The following PLCH2 variants were observed in gnomAD, a reference collection of about 807,000 sequenced individuals.
PLCH2 encodes the protein 1-phosphatidylinositol 4,5-bisphosphate phosphodiesterase eta-2.
A neutral mutation model predicts 134.7 loss-of-function variants in PLCH2; 98 were observed. The ratio of observed to expected loss-of-function variants is 0.73; its 90% CI spans 0.62 to 0.86. The LOEUF is 0.86. PLCH2 is among the 40% of genes least tolerant of loss of function. The pLI is 0.00. For synonymous variants in PLCH2, 974 were observed against 827.5 expected (o/e 1.18, Z -3.04); for missense variants, 1,994 against 1,986.6 (o/e 1.00, Z -0.07).
rs780237265 is a variant in PLCH2 at position 2,505,103 on chromosome 1, G to T, written c.4141G>T (p.Gly1381Cys). ...PPEEERGTPEGACSVGHEGSV... is the reference protein window; with the variant it reads ...PPEEERGTPECACSVGHEGSV... ...AGAAGAGGAGCGGGGCACCCCCGAGGGCGCCTGCTCCGTGGGCCACGAGGG... is the reference window on the plus strand; with the variant it reads ...AGAAGAGGAGCGGGGCACCCCCGAGTGCGCCTGCTCCGTGGGCCACGAGGG... The change falls in exon 22 of 22, where the codon GGC (glycine) becomes TGC (cysteine). Residue 1381 changes from glycine (G) to cysteine (C), a missense_variant. Around this residue, in one of 2 missense-constraint regions of PLCH2, gnomAD observed 900 missense variants for 752.3 expected, o/e 1.20. Coordinates refer to ENST00000378486, the MANE Select transcript of PLCH2 (RefSeq NM_014638.4). The T allele has an allele frequency of 1.3e-6, 2 of 1,542,072 alleles. No homozygotes were observed. The highest frequency in any genetic ancestry group is 1.7e-6 in the Non-Finnish European group (2 of 1,151,950).
intron 2 of PLCH2, among the ~76,000 whole-genome samples, chr1:2,458,156 C>T (rs1477039841): frequency 2.0e-5 from 3 of 152,088 alleles, no homozygotes; most frequent in East Asian, 3.9e-4. Flanking sequence ...GGAAGGTGGC[C>T]GGCTGGGTGG....
At chr1:2,486,422 G>C (rs1349758348) in intron 5 of PLCH2, among the ~76,000 whole-genome samples, 2 of 152,224 alleles carry the variant, frequency 1.3e-5, no homozygotes, top group Non-Finnish European at 2.9e-5. Context: ...CGCCCTGGAG[G>C]TCCCTTGGCC....
chr1:2,416,930 G>C, the PLCH2 span, among the ~76,000 whole-genome samples: 1 of 152,138 alleles, frequency 6.6e-6, no homozygotes, highest in Admixed American at 6.5e-5. Flanking sequence ...CAGCCTGGGG[G>C]GGCCCTGGGG....
chr1:2,497,561 G>A lies in PLCH2; in HGVS notation c.2176G>A (p.Ala726Thr), dbSNP rs371487122. The A allele has an allele frequency of 9.0e-6, 14 of 1,564,192 alleles. No homozygotes were observed. The highest frequency in any genetic ancestry group is 2.4e-5 in the East Asian group (1 of 41,822). Reference sequence around the variant, plus strand: ...GCAGCTGAACCGAGCCAAGTTCAGCGCCAACGGTGGCTGCGGCTACGTACT... The same window carrying A: ...GCAGCTGAACCGAGCCAAGTTCAGCACCAACGGTGGCTGCGGCTACGTACT... The part of the protein sequence containing the change: ...MLQLNRAKFS[A>T]NGGCGYVLKP... Residue 726 changes from alanine (A) to threonine (T), a missense_variant, in exon 16 of 22, where the codon GCC becomes ACC. This residue lies in a region of PLCH2 where 1,094 missense variants were observed against 1,234.3 expected (regional missense o/e 0.89). Coordinates refer to ENST00000378486, the MANE Select transcript of PLCH2 (RefSeq NM_014638.4).
At position 2,499,631 on chromosome 1, in the gene PLCH2, ACTG is replaced by A; in HGVS notation, c.2582-7_2582-5del. ...TGACCTCATGACCCTGCTGACCCAC[ACTG>A]CTCCAGGCTACAGACACGTGTACCT... is the stretch of plus-strand genomic sequence containing the variant. On this transcript the variant is annotated splice_polypyrimidine_tract_variant and splice_region_variant and intron_variant, in intron 19 of 21. Coordinates refer to ENST00000378486, the MANE Select transcript of PLCH2 (RefSeq NM_014638.4). 6.3e-7 allele frequency: 1 copy of A among 1,592,766 alleles called. No individual in the cohort carries two copies. Among genetic ancestry groups the A allele is most frequent in the Non-Finnish European group, 8.6e-7 (1 of 1,169,466 alleles).
chr1:2,417,671 G>A, the PLCH2 span, among the ~76,000 whole-genome samples: 1 of 152,186 alleles, frequency 6.6e-6, no homozygotes, highest in Non-Finnish European at 1.5e-5. Flanking sequence ...GCCGGTGAGG[G>A]GCTGTGTGCT....
At chr1:2,428,255 C>T (rs1299513283) in intron 1 of PLCH2, among the ~76,000 whole-genome samples, 2 of 152,224 alleles carry the variant, frequency 1.3e-5, no homozygotes, top group Non-Finnish European at 2.9e-5. Context: ...GTCTGGGCTC[C>T]TGGGGATCGG....
intron 2 of PLCH2, among the ~76,000 whole-genome samples, chr1:2,440,100 C>T (rs1003104027): frequency 4.6e-5 from 7 of 152,124 alleles, no homozygotes; most frequent in Non-Finnish European, 1.0e-4. Flanking sequence ...AAGGCAGCTG[C>T]AGCCAGTCCA....
intron 2 of PLCH2, among the ~76,000 whole-genome samples, chr1:2,457,612 C>G (rs1395792497): frequency 2.0e-5 from 3 of 152,090 alleles, no homozygotes; most frequent in Admixed American, 1.3e-4. Flanking sequence ...TCCTGCCTCT[C>G]AGGGGCCCAA....
Position 2,503,931 on chromosome 1 carries a change from CCCTCTCCACGCAGCGG to C in PLCH2, c.2972_2987del (p.Leu991HisfsTer50). On this transcript the variant is annotated frameshift_variant, in exon 22 of 22. Coordinates refer to ENST00000378486, the MANE Select transcript of PLCH2 (RefSeq NM_014638.4). LOFTEE classifies it high-confidence loss of function. ...CCCCACCTCCCCACAGACACCCGCC[CCCTCTCCACGCAGCGG>C]CCACTCCCCCCACTGTGCAGCCTGG... 9.0e-7 allele frequency: 1 copy of C among 1,108,246 alleles called. No individual in the cohort carries two copies. Among genetic ancestry groups the C allele is most frequent in the Non-Finnish European group, 1.3e-6 (1 of 753,124 alleles). 68.7% of individuals were successfully genotyped at this position (1,108,246 alleles called of 1,614,324 possible).
chr1:2,503,477 G>T, intron 21 of PLCH2: 1 of 621,012 alleles, frequency 1.6e-6, no homozygotes, highest in South Asian at 1.8e-5. Context: ...TCGCTGCTTT[G>T]GGCTGAAGCA....
At chr1:2,503,118 G>A (rs1452630011) in intron 21 of PLCH2, 4 of 681,922 alleles carry the variant, frequency 5.9e-6, no homozygotes, top group South Asian at 4.7e-5. Flanking sequence ...TTGAGGCCCT[G>A]GGACTTGGGT....
At chr1:2,489,736 C>G (rs755278578) in intron 9 of PLCH2, 24 bp from the exon 10 acceptor site, 3 of 1,569,084 alleles carry the variant, frequency 1.9e-6, no homozygotes, top group Non-Finnish European at 2.6e-6. Flanking sequence ...CAGGGCCCCT[C>G]CCATCATGCA....
chr1:2,473,456 G>A (rs757964011), upstream of PLCH2, among the ~76,000 whole-genome samples: 10 of 152,344 alleles, frequency 6.6e-5, no homozygotes, highest in East Asian at 1.9e-4. Flanking sequence ...CCACCCATCC[G>A]CCCATCTGGG....
chr1:2,436,486 C>T lies in PLCH2; in HGVS notation c.115+5857C>T, dbSNP rs1335319575. On this transcript the variant is annotated intron_variant, in intron 2 of 3. Transcript: ENST00000609981. ...ACCTTTCCTCCTTCCTCCCTCCTCC[C>T]CTCCTCCCTCCTCCTCCTTTCCTCC... 1.1e-3 allele frequency among the ~76,000 whole-genome samples: 41 copies of T among 37,144 alleles called. 1 individual carries two copies. Among genetic ancestry groups the T allele is most frequent in the African/African-American group, 7.4e-3 (35 of 4,758 alleles). 24.4% of individuals were successfully genotyped at this position (37,144 alleles called of 152,430 possible). A position where few individuals can be genotyped will look rare whatever the true frequency, so the allele number is the denominator to read the frequency against.
At chr1:2,445,474 C>T (rs1023613910) in intron 2 of PLCH2, among the ~76,000 whole-genome samples, 4 of 150,750 alleles carry the variant, frequency 2.7e-5, no homozygotes, top group African/African-American at 9.8e-5. Flanking sequence ...GGGGCTTGGT[C>T]TGGTGGCCTT....
chr1:2,499,657 C>T lies in PLCH2; in HGVS notation c.2598C>T (p.Tyr866=), dbSNP rs1256341018. ...SSMMPGYRHV[Y]LEGMEEASIF... Reference sequence around the variant, plus strand: ...CTGCTCCAGGCTACAGACACGTGTACCTAGAAGGGATGGAAGAGGCCTCCA... The same window carrying T: ...CTGCTCCAGGCTACAGACACGTGTATCTAGAAGGGATGGAAGAGGCCTCCA... Residue 866 remains tyrosine, a synonymous_variant, in exon 20 of 22, where the codon TAC becomes TAT. Coordinates refer to ENST00000378486, the MANE Select transcript of PLCH2 (RefSeq NM_014638.4). The T allele has an allele frequency of 2.5e-6, 4 of 1,601,856 alleles. No homozygotes were observed. In the East Asian group the frequency reaches 6.8e-5, roughly 27 times the overall value.
Position 2,496,633 on chromosome 1 carries a change from A to C in PLCH2, c.1862A>C (p.Lys621Thr), listed in dbSNP as rs1425265535. 6.2e-7 allele frequency: 1 copy of C among 1,612,024 alleles called. No homozygotes were observed. Among genetic ancestry groups the C allele is most frequent in the South Asian group, 1.1e-5 (1 of 90,904 alleles). ...RGATRQKKTM[K>T]LSRALSDLVK... ...GCGACCCGGCAGAAGAAGACCATGAAGCTGTCCCGGGCCCTCTCTGACCTG... is the reference window on the plus strand; with the variant it reads ...GCGACCCGGCAGAAGAAGACCATGACGCTGTCCCGGGCCCTCTCTGACCTG... The change falls in exon 14 of 22, where the codon AAG becomes ACG. Residue 621 changes from lysine (K) to threonine (T), a missense_variant. Around this residue, in one of 2 missense-constraint regions of PLCH2, gnomAD observed 1,094 missense variants for 1,234.3 expected, o/e 0.89. Coordinates refer to ENST00000378486, the MANE Select transcript of PLCH2 (RefSeq NM_014638.4).
At position 2,439,112 on chromosome 1, in the gene PLCH2, G is replaced by A. The variant is rs930807035; in HGVS notation, c.115+8483G>A. ...CTTGCCAATGAGAAACTGTTTCAAGGCAGGATACCATGTCTCTGGGGACCC... is the reference window on the plus strand; with the variant it reads ...CTTGCCAATGAGAAACTGTTTCAAGACAGGATACCATGTCTCTGGGGACCC... On this transcript the variant is annotated intron_variant, in intron 2 of 3. Transcript: ENST00000609981. The surrounding 1 kb of genome is among the most constrained non-coding windows in gnomAD (Gnocchi z 4.7). Among the ~76,000 whole-genome samples the A allele has an allele frequency of 1.3e-5, 2 of 152,232 alleles. No homozygotes were observed. The highest frequency in any genetic ancestry group is 1.3e-4 in the Admixed American group (2 of 15,288).
Sources: gnomAD v4.1 joint callset for allele counts (sites outside exome capture counted in the v4.1 genomes callset) on GRCh38, gnomAD v4.1.1 for gene constraint, gnomAD v4.1.1 regional missense constraint, Gnocchi (gnomAD v3.1) non-coding constraint, MANE v1.5 for transcripts, NCBI Gene and HGNC (gene_info 2026-07-23, HGNC 2026-07-21) for gene names.